The following NIPBL variants were observed in gnomAD, a reference collection of about 807,000 sequenced individuals.
The protein encoded by NIPBL is NIPBL cohesin loading factor.
In NIPBL, 19 loss-of-function variants were observed where a neutral mutation model predicts 321.8. The observed-to-expected ratio is 0.06, with a 90% CI of 0.04 to 0.09. The LOEUF is 0.09. Ranked by LOEUF, NIPBL falls within the 10% of genes least tolerant of loss-of-function variation. The probability of loss-of-function intolerance (pLI) is 1.00; values close to 1 mark genes in which losing one functional copy is unlikely to be tolerated. For synonymous variants in NIPBL, 1,106 were observed against 1,114.1 expected (o/e 0.99, Z 0.14); for missense variants, 2,210 against 3,327.0 (o/e 0.66, Z 8.26).
chr5:37,038,837 A>C, intron 34 of NIPBL, 99 bp downstream of exon 34: 4 of 1,192,876 alleles, frequency 3.4e-6, no homozygotes, highest in Non-Finnish European at 3.6e-6. Context: ...CTGACAGATC[A>C]ACTGTGTCAT....
At position 37,034,922 on chromosome 5, in the gene NIPBL, C is replaced by T. The variant is rs149205984; in HGVS notation, c.5863-1457C>T. Among the ~76,000 whole-genome samples, 234 of 152,160 alleles carry T rather than the reference C, an allele frequency of 1.5e-3. 1 individual carries two copies. In the Middle Eastern group the frequency reaches 0.02, roughly 13 times the overall value. ...TTTATGATTAATTCTTTTGTGTGTA[C>T]CTGAAGCCTTGGAAATGAAAAAGGA... is the stretch of plus-strand genomic sequence containing the variant. On this transcript the variant is annotated intron_variant, in intron 32 of 46. Coordinates refer to ENST00000282516, the MANE Select transcript of NIPBL (RefSeq NM_133433.4).
intron 40 of NIPBL, among the ~76,000 whole-genome samples, chr5:37,049,614 TATA>T (rs1231734208): frequency 6.6e-6 from 1 of 152,246 alleles, no homozygotes; most frequent in East Asian, 1.9e-4. Flanking sequence ...TCCAACAATC[TATA>T]ATGTGAAGAG....
At chr5:36,880,787 CT>C (rs1290388527) in intron 1 of NIPBL, among the ~76,000 whole-genome samples, 1 of 151,860 alleles carries the variant, frequency 6.6e-6, no homozygotes, top group African/African-American at 2.4e-5. Context: ...AAAACTAGTC[CT>C]TTTTCAAGGT....
At chr5:36,922,847 T>G (rs904889845) in intron 1 of NIPBL, among the ~76,000 whole-genome samples, 1 of 152,158 alleles carries the variant, frequency 6.6e-6, no homozygotes, top group Admixed American at 6.5e-5. Context: ...TACCTTACCT[T>G]TGATAAAGGG....
intron 43 of NIPBL, among the ~76,000 whole-genome samples, 156 bp downstream of exon 43, chr5:37,057,488 A>G (rs1325387817): frequency 6.6e-6 from 1 of 152,220 alleles, no homozygotes; most frequent in Non-Finnish European, 1.5e-5. Context: ...TTGACTTGGG[A>G]GAGGATGTAC....
At chr5:36,925,472 G>T (rs1207539054) in intron 1 of NIPBL, among the ~76,000 whole-genome samples, 1 of 151,850 alleles carries the variant, frequency 6.6e-6, no homozygotes, top group Non-Finnish European at 1.5e-5. Flanking sequence ...CACCATGTTT[G>T]CCAGGTTGGT....
intron 6 of NIPBL, among the ~76,000 whole-genome samples, chr5:36,962,518 A>T (rs932668885): frequency 6.6e-6 from 1 of 152,204 alleles, no homozygotes; most frequent in Non-Finnish European, 1.5e-5. Flanking sequence ...GTTATTATAT[A>T]ACTAAGTATA....
intron 11 of NIPBL, among the ~76,000 whole-genome samples, chr5:36,998,683 G>C (rs770290423): frequency 2.6e-5 from 4 of 151,978 alleles, no homozygotes; most frequent in Non-Finnish European, 5.9e-5. Flanking sequence ...GAAGAAGTTT[G>C]CTTATTAGTT....
intron 1 of NIPBL, among the ~76,000 whole-genome samples, chr5:36,883,460 G>A (rs1745653195): frequency 6.6e-6 from 1 of 151,800 alleles, no homozygotes; most frequent in African/African-American, 2.4e-5. Flanking sequence ...ACATATTTGG[G>A]TCACTTATGC....
intron 33 of NIPBL, among the ~76,000 whole-genome samples, chr5:37,037,392 AAT>A (rs377464793): frequency 0.017 from 2,531 of 145,716 alleles, 32 homozygotes; most frequent in Middle Eastern, 0.043. Flanking sequence ...CGTCTCAAAA[AAT>A]ATATATATAT....
intron 6 of NIPBL, among the ~76,000 whole-genome samples, chr5:36,966,634 C>T (rs1742239342): frequency 6.6e-6 from 1 of 152,014 alleles, no homozygotes; most frequent in African/African-American, 2.4e-5. Flanking sequence ...AAGGGGGTAG[C>T]ATTCAGTGAA....
chr5:36,879,767 T>G (rs1230151293), intron 1 of NIPBL, among the ~76,000 whole-genome samples: 1 of 152,166 alleles, frequency 6.6e-6, no homozygotes, highest in Non-Finnish European at 1.5e-5. Flanking sequence ...ACAATGTCGC[T>G]TATTGTTTCT....
At position 36,962,173 on chromosome 5, in the gene NIPBL, A is replaced by G; in HGVS notation, c.509A>G (p.Gln170Arg). Residue 170 changes from glutamine (Q) to arginine (R), a missense_variant, in exon 6 of 47, where the codon CAA (glutamine) becomes CGA (arginine). Gln to Arg is a conservative substitution (Grantham distance 43). Around this residue, in one of 14 missense-constraint regions of NIPBL, gnomAD observed 464 missense variants for 529.5 expected, o/e 0.88. Transcript: ENST00000282516. ...TSSGNRFMPQ[Q>R]NSPVPSPYAP... ...TCTGGGAACAGATTTATGCCACAGC[A>G]AAATAGCCCAGTGCCTAGTCCATAC... 6.2e-7 allele frequency: 1 copy of G among 1,614,156 alleles called. No individual in the cohort carries two copies. The highest frequency in any genetic ancestry group is 1.7e-5 in the Admixed American group (1 of 60,024).
At chr5:37,009,254 C>G (rs1747809070) in intron 20 of NIPBL, among the ~76,000 whole-genome samples, 1 of 151,280 alleles carries the variant, frequency 6.6e-6, no homozygotes, top group South Asian at 2.1e-4. Flanking sequence ...AAATAAAAAA[C>G]AGAAAGATTA....
intron 1 of NIPBL, among the ~76,000 whole-genome samples, chr5:36,925,293 A>G (rs1261720088): frequency 7.2e-6 from 1 of 139,256 alleles, no homozygotes; most frequent in East Asian, 2.1e-4. Flanking sequence ...TTTGAGATGG[A>G]TTTTCACTCT....
chr5:36,937,896 A>G (rs759024335), intron 1 of NIPBL, among the ~76,000 whole-genome samples: 9 of 152,098 alleles, frequency 5.9e-5, no homozygotes, highest in South Asian at 4.1e-4. Context: ...TCCCCTGTTT[A>G]TTTTTAGTCA....
chr5:36,976,087 G>A lies in NIPBL; in HGVS notation c.1180G>A (p.Val394Met), dbSNP rs1743409058. The A allele has an allele frequency of 1.2e-6, 2 of 1,613,846 alleles. No homozygotes were observed. The highest frequency in any genetic ancestry group is 8.5e-7 in the Non-Finnish European group (1 of 1,179,938). Reference protein sequence around the residue: ...NVSENDIPFNVQYPGQTSKTP... With the variant: ...NVSENDIPFNMQYPGQTSKTP... ...TTCAGAAAATGATATTCCTTTTAATGTGCAGTACCCAGGACAGACTTCAAA... is the reference window on the plus strand; with the variant it reads ...TTCAGAAAATGATATTCCTTTTAATATGCAGTACCCAGGACAGACTTCAAA... The change falls in exon 9 of 47, where the codon GTG becomes ATG. Residue 394 changes from valine (V) to methionine (M), a missense_variant. This residue lies in a region of NIPBL where 464 missense variants were observed against 529.5 expected (regional missense o/e 0.88). Coordinates refer to ENST00000282516, the MANE Select transcript of NIPBL (RefSeq NM_133433.4).
intron 39 of NIPBL, 70 bp downstream of exon 39, chr5:37,048,745 A>G: frequency 1.6e-6 from 2 of 1,226,504 alleles, no homozygotes; most frequent in Non-Finnish European, 2.3e-6. Flanking sequence ...TCTTTAATCT[A>G]AATATCTAAA....
chr5:36,977,096 T>A (rs1743562217), intron 9 of NIPBL, among the ~76,000 whole-genome samples: 1 of 152,066 alleles, frequency 6.6e-6, no homozygotes, highest in Non-Finnish European at 1.5e-5. Context: ...AAGTTCTTAG[T>A]AATTTGGTAT....
Sources: allele counts gnomAD v4.1 joint callset (sites outside exome capture counted in the v4.1 genomes callset), GRCh38; gene constraint gnomAD v4.1.1; regional missense constraint gnomAD v4.1.1; transcripts MANE v1.5; gene names NCBI Gene and HGNC (gene_info 2026-07-23, HGNC 2026-07-21).